CADPS: variants seen among roughly 807,000 people sequenced by gnomAD.
CADPS encodes the protein calcium-dependent secretion activator 1.
A neutral mutation model predicts 167.3 loss-of-function variants in CADPS; 57 were observed. The observed-to-expected ratio is 0.34, with a 90% CI of 0.28 to 0.42. The LOEUF (loss-of-function observed/expected upper bound fraction) is 0.42. Among genes scored for constraint, CADPS ranks in the 20% least tolerant of loss-of-function variants. The pLI is 1.00. For synonymous variants in CADPS, 676 were observed against 635.3 expected (o/e 1.06, Z -0.96); for missense variants, 1,414 against 1,738.1 (o/e 0.81, Z 3.32).
At chr3:62,456,620 G>A (rs1050904705) in intron 26 of CADPS, among the ~76,000 whole-genome samples, 6 of 152,114 alleles carry the variant, frequency 3.9e-5, no homozygotes, top group African/African-American at 1.2e-4. Context: ...CTTGTTTAAT[G>A]ATGAGTTTTT....
chr3:62,776,998 A>G (rs1359227524), intron 1 of CADPS, among the ~76,000 whole-genome samples: 2 of 152,178 alleles, frequency 1.3e-5, no homozygotes, highest in East Asian at 3.9e-4. Context: ...TCAAAAAACA[A>G]GGATTAGGGG....
At chr3:62,754,006 G>T (rs1168810979) in intron 2 of CADPS, among the ~76,000 whole-genome samples, 1 of 152,108 alleles carries the variant, frequency 6.6e-6, no homozygotes, top group African/African-American at 2.4e-5. Flanking sequence ...TACCAGGTTG[G>T]TGCAAGGATT....
At chr3:62,610,782 C>A (rs2061399785) in intron 6 of CADPS, among the ~76,000 whole-genome samples, 1 of 152,038 alleles carries the variant, frequency 6.6e-6, no homozygotes, top group South Asian at 2.1e-4. Flanking sequence ...CCTCCTCAGT[C>A]CCCTTTGCTG....
chr3:62,560,669 C>G (rs1423052341), intron 9 of CADPS, among the ~76,000 whole-genome samples: 1 of 152,218 alleles, frequency 6.6e-6, no homozygotes, highest in Non-Finnish European at 1.5e-5. Flanking sequence ...TCTGAGGGAA[C>G]AGTCAGCGAG....
chr3:62,432,819 G>C (rs2054242263), intron 28 of CADPS, among the ~76,000 whole-genome samples: 1 of 152,166 alleles, frequency 6.6e-6, no homozygotes, highest in Non-Finnish European at 1.5e-5. Flanking sequence ...TCCAGAGGCA[G>C]GGCCCATGAT....
intron 4 of CADPS, among the ~76,000 whole-genome samples, chr3:62,660,224 T>C (rs1352966504): frequency 6.6e-6 from 1 of 152,180 alleles, no homozygotes; most frequent in Non-Finnish European, 1.5e-5. Context: ...GAGCTTGTTT[T>C]TGAGGTGTGT....
chr3:62,414,619 C>T (rs557070337), intron 28 of CADPS, among the ~76,000 whole-genome samples: 2 of 152,318 alleles, frequency 1.3e-5, no homozygotes, highest in South Asian at 4.1e-4. Flanking sequence ...CAACCAATGT[C>T]TTCTGTTGGT....
intron 27 of CADPS, chr3:62,441,043 C>T (rs2056223855): frequency 6.6e-6 from 1 of 152,120 alleles, no homozygotes; most frequent in South Asian, 2.1e-4. Context: ...GATTTCCAAT[C>T]AAAACAATTA....
chr3:62,614,939 G>T (rs2149362481), intron 6 of CADPS, among the ~76,000 whole-genome samples: 1 of 152,262 alleles, frequency 6.6e-6, no homozygotes, highest in Admixed American at 6.5e-5. Context: ...AGAATTAAAT[G>T]GGACAGTGCA....
intron 26 of CADPS, among the ~76,000 whole-genome samples, chr3:62,464,521 C>T (rs2059725661): frequency 6.6e-6 from 1 of 152,124 alleles, no homozygotes; most frequent in Admixed American, 6.5e-5. Flanking sequence ...TGCCTAGCAT[C>T]AGGAAGAGTG....
intron 1 of CADPS, among the ~76,000 whole-genome samples, chr3:62,824,166 CAAAAA>C (rs3047274): frequency 1.6e-5 from 2 of 126,652 alleles, no homozygotes; most frequent in Non-Finnish European, 1.7e-5. Flanking sequence ...GCTATAACTT[CAAAAA>C]AAAAAAAAAA....
chr3:62,657,743 T>C (rs1234086649), intron 4 of CADPS, among the ~76,000 whole-genome samples: 2 of 152,138 alleles, frequency 1.3e-5, no homozygotes, highest in African/African-American at 4.8e-5. Context: ...CTGGTGCGAT[T>C]GAACTGACAG....
intron 3 of CADPS, among the ~76,000 whole-genome samples, chr3:62,695,685 T>G (rs2080133719): frequency 1.3e-5 from 2 of 152,088 alleles, no homozygotes; most frequent in East Asian, 3.9e-4. Flanking sequence ...TTTGTTTTGT[T>G]TTTGAGACAG....
intron 28 of CADPS, among the ~76,000 whole-genome samples, chr3:62,426,836 G>T (rs144346832): frequency 2.6e-5 from 4 of 151,788 alleles, no homozygotes; most frequent in Non-Finnish European, 4.4e-5. Context: ...GGGAGGCCGA[G>T]GGGGGCAGAT....
At chr3:62,406,863 G>A (rs993942183) in intron 28 of CADPS, among the ~76,000 whole-genome samples, 3 of 152,148 alleles carry the variant, frequency 2.0e-5, no homozygotes, top group Non-Finnish European at 4.4e-5. Context: ...GAAGCTGGAA[G>A]GCTTATCTAA....
chr3:62,506,387 C>G (rs2066694402), intron 17 of CADPS, among the ~76,000 whole-genome samples: 1 of 151,848 alleles, frequency 6.6e-6, no homozygotes, highest in Admixed American at 6.6e-5. Context: ...GACTCCGTCT[C>G]AAAAAACAAA....
At chr3:62,861,036 A>T (rs1459374960) in intron 1 of CADPS, among the ~76,000 whole-genome samples, 1 of 152,154 alleles carries the variant, frequency 6.6e-6, no homozygotes, top group African/African-American at 2.4e-5. Context: ...CAACACCAGA[A>T]GTCATGCCTC....
chr3:62,759,793 A>G (rs1035919102), intron 2 of CADPS, among the ~76,000 whole-genome samples: 1 of 152,060 alleles, frequency 6.6e-6, no homozygotes, highest in South Asian at 2.1e-4. Context: ...ATTTTTCTAC[A>G]TTGTCTGTTT....
At chr3:62,647,979 G>C (rs966343069) in intron 5 of CADPS, among the ~76,000 whole-genome samples, 1 of 152,172 alleles carries the variant, frequency 6.6e-6, no homozygotes, top group African/African-American at 2.4e-5. Context: ...TGGCTACTGG[G>C]CACCCTGGAC....
Sources: gnomAD v4.1 joint callset for allele counts (sites outside exome capture counted in the v4.1 genomes callset) on GRCh38, gnomAD v4.1.1 for gene constraint, MANE v1.5 for transcripts, NCBI Gene and HGNC (gene_info 2026-07-23, HGNC 2026-07-21) for gene names.